Variants in PKD1L3 observed in about 807,000 individuals in gnomAD.
The protein encoded by PKD1L3 is polycystin-1-like protein 3.
PKD1L3 carries 239 observed loss-of-function variants against 184.1 expected under a neutral mutation model. The observed-to-expected ratio is 1.30, with a 90% CI of 1.17 to 1.45. The LOEUF (loss-of-function observed/expected upper bound fraction) is 1.45. Ranked by LOEUF, PKD1L3 falls within the 40% of genes most tolerant of loss-of-function variation. PKD1L3 has a pLI of 0.00. For missense variants in PKD1L3, 2,660 were observed against 2,067.2 expected (o/e 1.29, Z -5.56); for synonymous variants, 996 against 778.8 (o/e 1.28, Z -4.64).
intron 26 of PKD1L3, among the ~76,000 whole-genome samples, chr16:71,934,991 T>A (rs1464373919): frequency 6.6e-6 from 1 of 152,236 alleles, no homozygotes; most frequent in Non-Finnish European, 1.5e-5. Flanking sequence ...CAGCTCCCTT[T>A]GCATTTAAAG....
chr16:71,933,356 G>C (rs1210270899), intron 28 of PKD1L3, 64 bp downstream of exon 28: 1 of 1,240,596 alleles, frequency 8.1e-7, no homozygotes, highest in Non-Finnish European at 1.2e-6. Context: ...TTTTCATAAG[G>C]ACCCCCCCAA....
At position 71,984,120 on chromosome 16, in the gene PKD1L3, C is replaced by A; in HGVS notation, c.882G>T (p.Leu294Phe). Reference sequence around the variant, plus strand: ...CTTCCTGTAGTTTGTTAAGAGCTTGCAAACCATGAACTGCTCTGCTGAAGT... The same window carrying A: ...CTTCCTGTAGTTTGTTAAGAGCTTGAAAACCATGAACTGCTCTGCTGAAGT... Reference protein sequence around the residue: ...AGNFSRAVHGLQALNKLQEAC... With the variant: ...AGNFSRAVHGFQALNKLQEAC... The change falls in exon 6 of 30, where the codon TTG becomes TTT. Residue 294 changes from leucine (L) to phenylalanine (F), a missense_variant. Transcript: ENST00000620267. 2 of 1,551,968 alleles carry A rather than the reference C, an allele frequency of 1.3e-6. No individual in the cohort carries two copies. Among genetic ancestry groups the A allele is most frequent in the Non-Finnish European group, 1.7e-6 (2 of 1,146,998 alleles).
chr16:71,968,056 A>G, intron 13 of PKD1L3, 49 bp from the exon 14 acceptor site: 1 of 1,437,014 alleles, frequency 7.0e-7, no homozygotes, highest in East Asian at 2.5e-5. Context: ...CACTTGGTAT[A>G]GTTCCTGCCT....
At chr16:71,953,516 A>C (rs1201132674) in intron 17 of PKD1L3, among the ~76,000 whole-genome samples, 2 of 152,220 alleles carry the variant, frequency 1.3e-5, no homozygotes, top group African/African-American at 2.4e-5. Flanking sequence ...AAAGCACCTT[A>C]CCTGGCATTA....
At chr16:71,938,457 G>T (rs985609334) in intron 24 of PKD1L3, among the ~76,000 whole-genome samples, 2 of 152,246 alleles carry the variant, frequency 1.3e-5, no homozygotes, top group East Asian at 3.8e-4. Flanking sequence ...CTCCTGGGCA[G>T]AAAGGGGCAG....
intron 4 of PKD1L3, among the ~76,000 whole-genome samples, chr16:71,987,999 G>A (rs1418834850): frequency 6.6e-6 from 1 of 152,100 alleles, no homozygotes; most frequent in East Asian, 1.9e-4. Context: ...TCATATATCA[G>A]GCAGTTGAAG....
Position 71,999,737 on chromosome 16 carries a change from CA to C in PKD1L3, c.241del (p.Trp81GlyfsTer6), listed in dbSNP as rs1229686633. 3 of 1,551,342 alleles carry C rather than the reference CA, an allele frequency of 1.9e-6. No individual in the cohort carries two copies. In the Middle Eastern group the frequency reaches 5.0e-4, roughly 259 times the overall value. ...RDYLEEGKKW[W>X]IGQNVMPLKK... The stretch of plus-strand genomic sequence containing the variant: ...CAATGGCATTACATTTTGCCCAATC[CA>C]CCACTTCTTTCCTTCTTCCAGATAG... On this transcript the variant is annotated frameshift_variant, in exon 1 of 30. Coordinates refer to ENST00000620267, the MANE Select transcript of PKD1L3 (RefSeq NM_181536.2). LOFTEE classifies it high-confidence loss of function.
chr16:71,937,313 G>T lies in PKD1L3; in HGVS notation c.4431C>A (p.Val1477=). The T allele has an allele frequency of 6.4e-7, 1 of 1,551,470 alleles. No homozygotes were observed. The highest frequency in any genetic ancestry group is 1.2e-5 in the South Asian group (1 of 84,050). The change falls in exon 25 of 30, where the codon GTC becomes GTA. Residue 1477 remains valine (V), a synonymous_variant. Transcript: ENST00000620267. ...TCACCTGTATGAAGGCATAGTAACAGACCAGTAGATAATAGATGACTTGTG... is the reference window on the plus strand; with the variant it reads ...TCACCTGTATGAAGGCATAGTAACATACCAGTAGATAATAGATGACTTGTG... ...IISQVIYYLL[V]CYYAFIQGCQ...
chr16:71,960,090 T>TCCAG (rs913836161), intron 16 of PKD1L3, among the ~76,000 whole-genome samples: 5 of 151,502 alleles, frequency 3.3e-5, no homozygotes, highest in Admixed American at 6.6e-5. Flanking sequence ...GTCACAGCAC[T>TCCAG]CCAGCTGGGG....
At chr16:71,951,375 T>C (rs2038826793) in intron 19 of PKD1L3, among the ~76,000 whole-genome samples, 189 bp downstream of exon 19, 1 of 152,152 alleles carries the variant, frequency 6.6e-6, no homozygotes, top group African/African-American at 2.4e-5. Context: ...TTTCACCAGA[T>C]AGAGAAAGAT....
At chr16:71,977,515 C>T in intron 10 of PKD1L3, 48 bp from the exon 11 acceptor site, 1 of 1,239,874 alleles carries the variant, frequency 8.1e-7, no homozygotes. Flanking sequence ...CCATTGATGT[C>T]TTTCAAAATC....
At chr16:71,989,624 C>A (rs987008314) in intron 4 of PKD1L3, among the ~76,000 whole-genome samples, 1 of 152,164 alleles carries the variant, frequency 6.6e-6, no homozygotes, top group Non-Finnish European at 1.5e-5. Flanking sequence ...ACAGTTTCTA[C>A]CTTTATTTCC....
intron 28 of PKD1L3, among the ~76,000 whole-genome samples, chr16:71,932,805 T>A (rs991845281): frequency 8.8e-4 from 105 of 119,792 alleles, no homozygotes; most frequent in African/African-American, 2.8e-3. Flanking sequence ...TTTTTTTTTT[T>A]AATTTAAATA....
At chr16:71,944,862 C>A (rs2038506560) in intron 22 of PKD1L3, among the ~76,000 whole-genome samples, 1 of 151,632 alleles carries the variant, frequency 6.6e-6, no homozygotes, top group African/African-American at 2.4e-5. Context: ...CCACACCTGG[C>A]TAATTTTTGT....
intron 22 of PKD1L3, among the ~76,000 whole-genome samples, chr16:71,946,314 C>T (rs2038601766): frequency 6.6e-6 from 1 of 152,202 alleles, no homozygotes; most frequent in Non-Finnish European, 1.5e-5. Flanking sequence ...TCTGTGATGG[C>T]ATTCCTTCTT....
intron 5 of PKD1L3, among the ~76,000 whole-genome samples, chr16:71,984,388 T>A (rs1342996106): frequency 6.6e-6 from 1 of 152,246 alleles, no homozygotes; most frequent in East Asian, 1.9e-4. Context: ...CGAGATTATA[T>A]AATGATTGCT....
intron 2 of PKD1L3, among the ~76,000 whole-genome samples, chr16:71,996,666 A>G (rs2040797660): frequency 6.6e-6 from 1 of 152,182 alleles, no homozygotes; most frequent in Non-Finnish European, 1.5e-5. Flanking sequence ...TATCATTTCA[A>G]GAATGCTCAA....
intron 6 of PKD1L3, among the ~76,000 whole-genome samples, chr16:71,983,228 C>T (rs368396106): frequency 8.5e-5 from 13 of 152,248 alleles, no homozygotes; most frequent in Middle Eastern, 3.4e-3. Flanking sequence ...CTCACTGCAA[C>T]CTCCACCTTC....
intron 16 of PKD1L3, among the ~76,000 whole-genome samples, chr16:71,955,796 C>A (rs180815967): frequency 2.0e-5 from 3 of 152,232 alleles, no homozygotes; most frequent in East Asian, 1.9e-4. Context: ...TCTCACAAGA[C>A]CTGATGGTTT....
Sources: gnomAD v4.1 joint callset for allele counts (sites outside exome capture counted in the v4.1 genomes callset) on GRCh38, gnomAD v4.1.1 for gene constraint, MANE v1.5 for transcripts, NCBI Gene and HGNC (gene_info 2026-07-23, HGNC 2026-07-21) for gene names.